The following MAP3K2 variants were observed in gnomAD, a reference collection of about 807,000 sequenced individuals.
MAP3K2 encodes MAP/ERK kinase kinase 2.
Under a neutral mutation model 80.3 loss-of-function variants are expected in MAP3K2, and 24 were observed. That is an observed-to-expected ratio of 0.30 (90% confidence interval 0.22 to 0.42). The LOEUF (loss-of-function observed/expected upper bound fraction) is 0.42, where lower values mean the gene tolerates loss of function less well. Ranked by LOEUF, MAP3K2 falls within the 10% of genes least tolerant of loss-of-function variation. The pLI is 1.00. For synonymous variants in MAP3K2, 244 were observed against 253.7 expected (o/e 0.96, Z 0.36); for missense variants, 608 against 750.1 (o/e 0.81, Z 2.21).
chr2:127,330,540 C>A, intron 5 of MAP3K2, 35 bp from the exon 6 acceptor site: 1 of 1,055,178 alleles, frequency 9.5e-7, no homozygotes, highest in South Asian at 1.4e-5. Flanking sequence ...GCAGCTATCT[C>A]ACCAGGTCAA....
In MAP3K2 at chr2:127,301,580, A is replaced by G. The variant is rs963000618; in HGVS notation, c.*5999T>C. On this transcript the variant is annotated 3_prime_UTR_variant, in exon 17 of 17. Transcript: ENST00000682094. ...AGGGAATATAAAAGCTTTGGTTTAA[A>G]GTGATTCTGATAATACAGATTGTGT... 2.0e-5 allele frequency: 3 copies of G among 152,252 alleles called. No homozygotes were observed. Among genetic ancestry groups the G allele is most frequent in the Non-Finnish European group, 2.9e-5 (2 of 68,042 alleles). The allele number at this position is 152,252 out of a possible 1,614,324, so 9.4% of individuals were successfully genotyped here.
intron 12 of MAP3K2, among the ~76,000 whole-genome samples, chr2:127,320,963 T>C (rs1261795593): frequency 6.6e-6 from 1 of 151,978 alleles, no homozygotes; most frequent in Non-Finnish European, 1.5e-5. Context: ...CTACAAAAAA[T>C]ACAAAAATTA....
intron 16 of MAP3K2, 93 bp downstream of exon 16, chr2:127,308,492 A>G: frequency 8.5e-7 from 1 of 1,181,762 alleles, no homozygotes; most frequent in Non-Finnish European, 1.2e-6. Context: ...TGGAAGTACA[A>G]AAGATTATTT....
chr2:127,356,371 G>A (rs2104866916), intron 1 of MAP3K2, among the ~76,000 whole-genome samples: 1 of 151,640 alleles, frequency 6.6e-6, no homozygotes, highest in South Asian at 2.1e-4. Context: ...TGCATATAAA[G>A]TTATGTTTAC....
chr2:127,331,071 C>A (rs186269674), intron 5 of MAP3K2, among the ~76,000 whole-genome samples: 35 of 152,200 alleles, frequency 2.3e-4, no homozygotes, highest in African/African-American at 8.2e-4. Flanking sequence ...GTGACCTGAC[C>A]ACTATACCCT....
At position 127,322,528 on chromosome 2, in the gene MAP3K2, T is replaced by C. The variant is rs1433433510; in HGVS notation, c.839-276A>G. On this transcript the variant is annotated intron_variant, in intron 11 of 16. Coordinates refer to ENST00000682094, the MANE Select transcript of MAP3K2 (RefSeq NM_001371910.2). This position sits in a 1 kb window ranked among gnomAD's most constrained non-coding sequence, Gnocchi z 4.2. The stretch of plus-strand genomic sequence containing the variant: ...TCTGGATAAAAAGGAGGAAAAAAAT[T>C]TACTCTCATTTCCAATAATGATTTT... 6.6e-6 allele frequency among the ~76,000 whole-genome samples: 1 copy of C among 152,052 alleles called. No homozygotes were observed. The highest frequency in any genetic ancestry group is 2.4e-5 in the African/African-American group (1 of 41,392).
chr2:127,329,882 G>T (rs774297339), intron 7 of MAP3K2, 39 bp downstream of exon 7: 1 of 1,150,294 alleles, frequency 8.7e-7, no homozygotes, highest in Non-Finnish European at 1.3e-6. Context: ...AAGAAATTGA[G>T]AAATCATTCA....
chr2:127,315,029 A>G (rs1685874631), intron 14 of MAP3K2, 146 bp from the exon 15 acceptor site: 1 of 624,056 alleles, frequency 1.6e-6, no homozygotes, highest in South Asian at 2.2e-5. Flanking sequence ...TTTTGTTCTT[A>G]TTCTGTTTTT....
Position 127,303,705 on chromosome 2 carries a change from T to C in MAP3K2, c.*3874A>G, listed in dbSNP as rs571462041. The C allele has an allele frequency of 1.7e-4, 24 of 145,336 alleles. No individual in the cohort carries two copies. Among genetic ancestry groups the C allele is most frequent in the African/African-American group, 5.4e-4 (22 of 41,120 alleles). The allele number at this position is 145,336 out of a possible 1,614,324, so 9.0% of individuals were successfully genotyped here. A position where few individuals can be genotyped will look rare whatever the true frequency, so the allele number is the denominator to read the frequency against. The stretch of plus-strand genomic sequence containing the variant: ...TACCTGACATAATAAGTTACAATTA[T>C]TGAACAAACAAAGAAGATTCATTCT... On this transcript the variant is annotated 3_prime_UTR_variant, in exon 17 of 17. Transcript: ENST00000682094.
chr2:127,367,233 T>C (rs893640330), intron 1 of MAP3K2, among the ~76,000 whole-genome samples: 1 of 152,152 alleles, frequency 6.6e-6, no homozygotes, highest in African/African-American at 2.4e-5. Flanking sequence ...TTTTTATCAA[T>C]CTAAGGCTGA....
At chr2:127,340,653 T>G (rs540673844) in intron 2 of MAP3K2, among the ~76,000 whole-genome samples, 19 of 151,432 alleles carry the variant, frequency 1.3e-4, no homozygotes, top group Middle Eastern at 3.4e-3. Flanking sequence ...CATGAATCTG[T>G]TTCCCAAAAG....
At chr2:127,355,089 C>T (rs1168030835) in intron 1 of MAP3K2, among the ~76,000 whole-genome samples, 3 of 152,094 alleles carry the variant, frequency 2.0e-5, no homozygotes, top group Admixed American at 6.5e-5. Flanking sequence ...AATATACATT[C>T]AACTGAAGTC....
chr2:127,358,386 C>T (rs554410786), intron 1 of MAP3K2, among the ~76,000 whole-genome samples: 2 of 152,238 alleles, frequency 1.3e-5, no homozygotes, highest in East Asian at 3.9e-4. Context: ...TCTCACAAAA[C>T]TAAACATACT....
Position 127,332,996 on chromosome 2 carries a change from A to G in MAP3K2, c.265-2491T>C, listed in dbSNP as rs142013369. ...AATACAAAAATTAACAAGGTATGGT[A>G]GTGCATGCCTGTAGTCCCAGCTACT... On this transcript the variant is annotated intron_variant, in intron 5 of 16. Transcript: ENST00000682094. Among the ~76,000 whole-genome samples, 877 of 151,982 alleles carry G rather than the reference A, an allele frequency of 5.8e-3. 8 individuals carry two copies. The highest frequency in any genetic ancestry group is 0.02 in the African/African-American group (830 of 41,442).
In MAP3K2 at chr2:127,309,024, T is replaced by C. The variant is rs574525551; in HGVS notation, c.1457-262A>G. On this transcript the variant is annotated intron_variant, in intron 15 of 16. Transcript: ENST00000682094. ...TTCTATTGAAAAGGACTGGTGCAGGTTGGAGGTGGGGGTGAAGAGGAGGAG... is the reference window on the plus strand; with the variant it reads ...TTCTATTGAAAAGGACTGGTGCAGGCTGGAGGTGGGGGTGAAGAGGAGGAG... Among the ~76,000 whole-genome samples, 8 of 152,068 alleles carry C rather than the reference T, an allele frequency of 5.3e-5. No homozygotes were observed. The South Asian group carries it at 8.3e-4, about 16-fold the overall frequency.
chr2:127,369,113 AT>A (rs112538207), intron 1 of MAP3K2, among the ~76,000 whole-genome samples: 146,849 of 147,644 alleles, frequency 0.99, 73,037 homozygotes, highest in Non-Finnish European at 1. Context: ...ACGCCCAGCT[AT>A]TTTTTTTTTG....
At chr2:127,344,777 G>A (rs1686565638) in intron 1 of MAP3K2, among the ~76,000 whole-genome samples, 1 of 152,158 alleles carries the variant, frequency 6.6e-6, no homozygotes, top group Non-Finnish European at 1.5e-5. Context: ...ACCTCACTAT[G>A]TATATGCAAA....
At chr2:127,386,594 AT>A (rs1203008321) in intron 1 of MAP3K2, among the ~76,000 whole-genome samples, 7 of 152,188 alleles carry the variant, frequency 4.6e-5, no homozygotes, top group African/African-American at 1.7e-4. Context: ...AAATGTATTT[AT>A]TTTTTGTGAG....
intron 1 of MAP3K2, among the ~76,000 whole-genome samples, chr2:127,349,148 T>G (rs1461650591): frequency 6.7e-6 from 1 of 149,858 alleles, no homozygotes; most frequent in Admixed American, 6.7e-5. Flanking sequence ...AACAAGAAAG[T>G]GTTCCTTTCT....
Sources: allele counts gnomAD v4.1 joint callset (sites outside exome capture counted in the v4.1 genomes callset), GRCh38; gene constraint gnomAD v4.1.1; non-coding constraint Gnocchi (gnomAD v3.1); transcripts MANE v1.5; gene names NCBI Gene and HGNC (gene_info 2026-07-23, HGNC 2026-07-21).